The following SPON2 variants were observed in gnomAD, a reference collection of about 807,000 sequenced individuals.
The protein encoded by SPON2 is spondin 2.
SPON2 carries 32 observed loss-of-function variants against 29.9 expected under a neutral mutation model. That is an observed-to-expected ratio of 1.07 (90% confidence interval 0.81 to 1.44). SPON2 has a LOEUF of 1.44. Among genes scored for constraint, SPON2 ranks in the 40% most tolerant of loss-of-function variants. The pLI, the probability that SPON2 is intolerant of heterozygous loss-of-function variation, is 0.00. For synonymous variants in SPON2, 248 were observed against 209.1 expected (o/e 1.19, Z -1.61); for missense variants, 541 against 455.5 (o/e 1.19, Z -1.71).
intron 1 of SPON2, among the ~76,000 whole-genome samples, chr4:1,193,707 G>A (rs1265554139): frequency 3.0e-5 from 1 of 33,252 alleles, no homozygotes; most frequent in East Asian, 8.2e-4. Context: ...AAGGACGTGG[G>A]GGGTGTAGGA....
In SPON2 at chr4:1,187,607, C is replaced by G. The variant is rs374375699; in HGVS notation, c.-239+7383G>C. ...TTAAGGTGTCTTTTTAGCAGATGCC[C>G]TAGGGATTACAATTAATATCTTAAT... On this transcript the variant is annotated intron_variant, in intron 1 of 3. Transcript: ENST00000502483. Among the ~76,000 whole-genome samples, 36 of 152,138 alleles carry G rather than the reference C, an allele frequency of 2.4e-4. 2 individuals are homozygous for G. In the Middle Eastern group the frequency reaches 0.034, roughly 146 times the overall value.
At chr4:1,178,051 C>G (rs562547634), upstream of SPON2, among the ~76,000 whole-genome samples, 3 of 150,186 alleles carry the variant, frequency 2.0e-5, no homozygotes, top group East Asian at 5.8e-4. Flanking sequence ...ACCACGGGCT[C>G]TGCACACACT....
intron 1 of SPON2, among the ~76,000 whole-genome samples, chr4:1,183,257 A>C (rs989960702): frequency 6.9e-6 from 1 of 144,644 alleles, no homozygotes. Context: ...AAAAAAAAAC[A>C]AAAAAGAAAG....
chr4:1,198,047 C>CAAAA (rs71640383), upstream of SPON2, among the ~76,000 whole-genome samples: 6 of 137,722 alleles, frequency 4.4e-5, no homozygotes, highest in Admixed American at 1.5e-4. Context: ...GACTCTGTTT[C>CAAAA]AAAAAAAAAA....
At chr4:1,200,884 C>G (rs1273904369) in intron 1 of SPON2, 3 of 456,704 alleles carry the variant, frequency 6.6e-6, no homozygotes, top group South Asian at 4.6e-5. Flanking sequence ...TGACCCTGAC[C>G]ACTGACTGAG....
At position 1,170,402 on chromosome 4, in the gene SPON2, C is replaced by A; in HGVS notation, c.811G>T (p.Val271Phe). Residue 271 changes from valine to phenylalanine, a missense_variant and splice_region_variant, in exon 5 of 6, where the codon GTT (valine) becomes TTT (phenylalanine). Physicochemically the swap from Val to Phe is conservative, Grantham distance 50. Transcript: ENST00000290902. ...RDNEIVDSASVPETPLDCEVS... is the reference protein window; with the variant it reads ...RDNEIVDSASFPETPLDCEVS... ...CCCATGTGACCTGTATGTCCGTTAC[C>A]TGAGGCGCTGTCTACAATCTCATTG... 1.9e-6 allele frequency: 3 copies of A among 1,612,444 alleles called. No individual in the cohort carries two copies. The highest frequency in any genetic ancestry group is 2.5e-6 in the Non-Finnish European group (3 of 1,179,542).
intron 1 of SPON2, among the ~76,000 whole-genome samples, chr4:1,180,178 A>T (rs752488970): frequency 6.6e-6 from 1 of 152,130 alleles, no homozygotes; most frequent in Non-Finnish European, 1.5e-5. Flanking sequence ...AGAGTTGTTA[A>T]CTGCCCGACT....
chr4:1,200,495 G>A (rs549236826), intron 1 of SPON2: 141 of 292,014 alleles, frequency 4.8e-4, no homozygotes, highest in South Asian at 4.2e-3. Context: ...CAGCGGGGGC[G>A]GGGGCGGGCT....
At chr4:1,174,078 T>G (rs1727539262), upstream of SPON2, among the ~76,000 whole-genome samples, 2 of 152,108 alleles carry the variant, frequency 1.3e-5, no homozygotes, top group Admixed American at 1.3e-4. Context: ...AGTGCGCCTG[T>G]GGTCTCAACT....
intron 1 of SPON2, among the ~76,000 whole-genome samples, chr4:1,188,473 ACT>A (rs953193764): frequency 1.3e-5 from 2 of 152,158 alleles, no homozygotes; most frequent in African/African-American, 2.4e-5. Flanking sequence ...ATTCAAAGAC[ACT>A]CTGAAGTAAA....
chr4:1,197,808 G>A (rs1345451451), upstream of SPON2, among the ~76,000 whole-genome samples: 1 of 152,158 alleles, frequency 6.6e-6, no homozygotes, highest in African/African-American at 2.4e-5. Context: ...TTACACTTTG[G>A]GAGGCTGAGG....
Position 1,202,413 on chromosome 4 carries a change from G to A in SPON2, c.-234+5467C>T, listed in dbSNP as rs981489534. On this transcript the variant is annotated intron_variant, in intron 1 of 3. Transcript: ENST00000509233. The surrounding 1 kb of genome is among the most constrained non-coding windows in gnomAD (Gnocchi z 5.4). ...AAACGTTCCAACCACGGCACTGCACGCCAGGCCCAGTACTCACCGCTCTCA... is the reference window on the plus strand; with the variant it reads ...AAACGTTCCAACCACGGCACTGCACACCAGGCCCAGTACTCACCGCTCTCA... 3.3e-5 allele frequency among the ~76,000 whole-genome samples: 5 copies of A among 152,196 alleles called. No individual in the cohort carries two copies. The highest frequency in any genetic ancestry group is 1.2e-4 in the African/African-American group (5 of 41,442).
chr4:1,171,659 C>T, intron 2 of SPON2, 173 bp from the exon 3 acceptor site: 1 of 789,608 alleles, frequency 1.3e-6, no homozygotes, highest in African/African-American at 1.7e-5. Context: ...CCTGCGCCCT[C>T]CCCGTGAGCG....
intron 1 of SPON2, among the ~76,000 whole-genome samples, chr4:1,190,432 C>T (rs960409077): frequency 2.6e-5 from 4 of 152,210 alleles, no homozygotes; most frequent in Admixed American, 2.6e-4. Flanking sequence ...CTTCCTCACT[C>T]ATTCAGAGGC....
chr4:1,180,910 C>A (rs1727690435), intron 1 of SPON2, among the ~76,000 whole-genome samples: 1 of 152,110 alleles, frequency 6.6e-6, no homozygotes, highest in Non-Finnish European at 1.5e-5. Flanking sequence ...CAAACAAATG[C>A]AAATGCATAA....
Position 1,171,903 on chromosome 4 carries a change from G to T in SPON2, c.169C>A (p.Pro57Thr), listed in dbSNP as rs562953830. The change falls in exon 2 of 6, where the codon CCC (proline) becomes ACC (threonine). Residue 57 changes from proline to threonine, a missense_variant. Pro to Thr is a conservative substitution (Grantham distance 38). Transcript: ENST00000290902. ...GGGCGGAACAGGGGGTACTGCTTGGGGAAGGCCGTCTGGCTCCACTTGCCC... is the reference window on the plus strand; with the variant it reads ...GGGCGGAACAGGGGGTACTGCTTGGTGAAGGCCGTCTGGCTCCACTTGCCC... ...FTGKWSQTAF[P>T]KQYPLFRPPA... The T allele has an allele frequency of 2.5e-6, 4 of 1,612,996 alleles. No homozygotes were observed. In the East Asian group the frequency reaches 6.7e-5, roughly 27 times the overall value.
chr4:1,205,452 G>T (rs1728317331), intron 1 of SPON2, among the ~76,000 whole-genome samples: 1 of 152,234 alleles, frequency 6.6e-6, no homozygotes, highest in Admixed American at 6.5e-5. Flanking sequence ...CATCCGTGGA[G>T]CTGTGGGCTT....
intron 1 of SPON2, among the ~76,000 whole-genome samples, chr4:1,205,730 C>T (rs111227886): frequency 0.026 from 3,993 of 152,286 alleles, 48 homozygotes; most frequent in Non-Finnish European, 0.04. Context: ...CCTCCAGGCC[C>T]GCCCAGGCTC....
chr4:1,176,688 TCA>T (rs1727606894), upstream of SPON2, among the ~76,000 whole-genome samples: 1 of 152,194 alleles, frequency 6.6e-6, no homozygotes, highest in Non-Finnish European at 1.5e-5. Context: ...AATCATCCAT[TCA>T]CACAGTACAT....
Sources: gnomAD v4.1 joint callset for allele counts (sites outside exome capture counted in the v4.1 genomes callset) on GRCh38, gnomAD v4.1.1 for gene constraint, Gnocchi (gnomAD v3.1) non-coding constraint, MANE v1.5 for transcripts, NCBI Gene and HGNC (gene_info 2026-07-23, HGNC 2026-07-21) for gene names.